The following RAF1 variants were observed in gnomAD, a reference collection of about 807,000 sequenced individuals.
The protein encoded by RAF1 is RAF proto-oncogene serine/threonine-protein kinase.
Under a neutral mutation model 81.1 loss-of-function variants are expected in RAF1, and 27 were observed. The ratio of observed to expected loss-of-function variants is 0.33; its 90% CI spans 0.25 to 0.46. The LOEUF is 0.46. Among genes scored for constraint, RAF1 ranks in the 20% least tolerant of loss-of-function variants. The pLI, the probability that RAF1 is intolerant of heterozygous loss-of-function variation, is 1.00. For missense variants in RAF1, 598 were observed against 826.0 expected, an observed-to-expected ratio of 0.72 and a Z score of 3.38; for synonymous variants, 298 against 294.0, an observed-to-expected ratio of 1.01 and a Z score of -0.14.
At chr3:12,622,809 A>C (rs1391732075) in intron 1 of RAF1, among the ~76,000 whole-genome samples, 1 of 152,192 alleles carries the variant, frequency 6.6e-6, no homozygotes, top group Non-Finnish European at 1.5e-5. Context: ...TTAAATAGAA[A>C]AGACCTGTCA....
chr3:12,645,419 T>G (rs1356766635), intron 1 of RAF1, among the ~76,000 whole-genome samples: 2 of 152,146 alleles, frequency 1.3e-5, no homozygotes, highest in African/African-American at 4.8e-5. Flanking sequence ...AAAGGTTTAG[T>G]GACAATTTAA....
intron 1 of RAF1, among the ~76,000 whole-genome samples, chr3:12,636,832 T>A (rs1464525812): frequency 6.6e-6 from 1 of 151,326 alleles, no homozygotes; most frequent in African/African-American, 2.4e-5. Context: ...AAAGAAAAAA[T>A]ATTTGCTACA....
intron 3 of RAF1, among the ~76,000 whole-genome samples, chr3:12,610,366 T>G (rs1264811370): frequency 6.6e-6 from 1 of 152,322 alleles, no homozygotes; most frequent in East Asian, 1.9e-4. Flanking sequence ...CAAAGGACTA[T>G]TTTGCCCTTA....
Position 12,590,989 on chromosome 3 carries a change from G to A in RAF1, c.1254-15C>T. 1 of 1,598,068 alleles carries A rather than the reference G, an allele frequency of 6.3e-7. No individual in the cohort carries two copies. Among genetic ancestry groups the A allele is most frequent in the Admixed American group, 1.7e-5 (1 of 59,614 alleles). ...GCCGTGTTTTGCTGGGGAGGGGAGG[G>A]GAAGAGAGGAGAGGGAGGAGGAAAG... On this transcript the variant is annotated splice_polypyrimidine_tract_variant and intron_variant, in intron 12 of 17. Transcript: ENST00000442415.
At chr3:12,623,011 A>G (rs1324806628) in intron 1 of RAF1, among the ~76,000 whole-genome samples, 5 of 152,208 alleles carry the variant, frequency 3.3e-5, no homozygotes, top group Non-Finnish European at 7.3e-5. Flanking sequence ...TTTAAAAAAA[A>G]AATTTTAATT....
At chr3:12,657,001 GA>G (rs948327519) in intron 1 of RAF1, among the ~76,000 whole-genome samples, 17 of 147,404 alleles carry the variant, frequency 1.2e-4, no homozygotes, top group South Asian at 2.1e-4. Context: ...CCATCTCGGG[GA>G]AAAAAAAAAA....
intron 13 of RAF1, 150 bp from the exon 13 acceptor site, chr3:12,587,787 C>A: frequency 1.7e-5 from 10 of 582,344 alleles, no homozygotes; most frequent in Middle Eastern, 4.6e-4. Context: ...CAGCCTGGTT[C>A]ACATCACTGC....
In RAF1 at chr3:12,591,847, A is replaced by C. The variant is rs1225596624; in HGVS notation, c.1169-55T>G. 7 of 1,300,928 alleles carry C rather than the reference A, an allele frequency of 5.4e-6. No individual in the cohort carries two copies. In the Admixed American group the frequency reaches 1.0e-4, roughly 19 times the overall value. The allele number at this position is 1,300,928 out of a possible 1,614,324, so 80.6% of individuals were successfully genotyped here. On this transcript the variant is annotated intron_variant, in intron 11 of 17. Coordinates refer to ENST00000442415, the MANE Select transcript of RAF1 (RefSeq NM_001354689.3). ...CAGTTGAATGATCTCAGTCTTTCAA[A>C]TAACCTAGTTTTGAGGAAGATACAG...
rs1035111321 is a variant in RAF1, at chr3:12,605,906, A to G, written c.680+295T>C. Among the ~76,000 whole-genome samples, 6 of 152,346 alleles carry G rather than the reference A, an allele frequency of 3.9e-5. No individual in the cohort carries two copies. The South Asian group carries it at 1.2e-3, about 32-fold the overall frequency. ...TTTCCATTGAGGTTGAACTCAGTAC[A>G]TACTGAGGAAAGCAGAATCTCAAGC... On this transcript the variant is annotated intron_variant, in intron 6 of 17. Transcript: ENST00000442415.
intron 1 of RAF1, among the ~76,000 whole-genome samples, chr3:12,648,246 T>C (rs544550571): frequency 1.7e-4 from 26 of 148,794 alleles, no homozygotes; most frequent in African/African-American, 6.0e-4. Flanking sequence ...TAAAATATGG[T>C]TTAGGAATGA....
At chr3:12,594,023 C>T (rs2058608351) in intron 11 of RAF1, among the ~76,000 whole-genome samples, 1 of 151,952 alleles carries the variant, frequency 6.6e-6, no homozygotes, top group Non-Finnish European at 1.5e-5. Context: ...AGACTGGGCA[C>T]ATCAGAAATA....
Position 12,620,090 on chromosome 3 carries a change from T to A in RAF1, c.-26-1343A>T, listed in dbSNP as rs188786542. ...GAGCAAGACTCCATCTCAAAAAAAA[T>A]AATAATAATAAATTATCTCATTTAA... On this transcript the variant is annotated intron_variant, in intron 1 of 17. Coordinates refer to ENST00000442415, the MANE Select transcript of RAF1 (RefSeq NM_001354689.3). Among the ~76,000 whole-genome samples the A allele has an allele frequency of 4.4e-3, 672 of 151,264 alleles. 1 individual carries two copies. Among genetic ancestry groups the A allele is most frequent in the Non-Finnish European group, 5.3e-3 (361 of 67,994 alleles).
chr3:12,650,977 A>C (rs899205442), intron 1 of RAF1, among the ~76,000 whole-genome samples: 1 of 152,168 alleles, frequency 6.6e-6, no homozygotes, highest in Non-Finnish European at 1.5e-5. Flanking sequence ...ACAAAAGCTA[A>C]AGTGTGCCCA....
intron 1 of RAF1, among the ~76,000 whole-genome samples, chr3:12,646,423 G>A (rs1324940864): frequency 6.6e-6 from 1 of 152,062 alleles, no homozygotes; most frequent in East Asian, 1.9e-4. Flanking sequence ...CACCCACGCT[G>A]GAGTGCAGTG....
Position 12,585,108 on chromosome 3 carries a change from C to G in RAF1, c.1728+14G>C, listed in dbSNP as rs1057520886. 3.1e-6 allele frequency: 5 copies of G among 1,614,002 alleles called. No individual in the cohort carries two copies. Among genetic ancestry groups the G allele is most frequent in the Admixed American group, 1.7e-5 (1 of 59,988 alleles). The stretch of plus-strand genomic sequence containing the variant: ...TCCCACGAGTTGGGTCCTTTCGCAC[C>G]AGCACAGACTTACCTGATCTCGGTT... On this transcript the variant is annotated intron_variant, in intron 16 of 17. Coordinates refer to ENST00000442415, the MANE Select transcript of RAF1 (RefSeq NM_001354689.3).
At chr3:12,606,636 G>GT (rs1204650624) in intron 5 of RAF1, among the ~76,000 whole-genome samples, 1 of 151,880 alleles carries the variant, frequency 6.6e-6, no homozygotes, top group Non-Finnish European at 1.5e-5. Context: ...CACCTCCCGG[G>GT]TTCTCCTGCC....
chr3:12,620,510 G>A (rs1228146110), intron 1 of RAF1, among the ~76,000 whole-genome samples: 1 of 151,972 alleles, frequency 6.6e-6, no homozygotes, highest in Non-Finnish European at 1.5e-5. Flanking sequence ...TTGCTCTGTT[G>A]CCCAGGCTGG....
rs181133224 is a variant in RAF1 at position 12,660,251 on chromosome 3, T to C, written c.-27+3562A>G. On this transcript the variant is annotated intron_variant, in intron 1 of 17. Coordinates refer to ENST00000442415, the MANE Select transcript of RAF1 (RefSeq NM_001354689.3). The stretch of plus-strand genomic sequence containing the variant: ...CTTAATCTGCTTCTCACTGTTTTTT[T>C]CAGCTAAACCAAATCCCATAAAATA... Among the ~76,000 whole-genome samples, 252 of 152,268 alleles carry C rather than the reference T, an allele frequency of 1.7e-3. 2 individuals carry two copies. Among genetic ancestry groups the C allele is most frequent in the Non-Finnish European group, 5.3e-4 (36 of 68,030 alleles).
At position 12,584,876 on chromosome 3, in the gene RAF1, C is replaced by T. The variant is rs769971095; in HGVS notation, c.1834G>A (p.Val612Ile). Residue 612 changes from valine (V) to isoleucine (I), a missense_variant, in exon 17 of 18, where the codon GTA becomes ATA. Val to Ile is a conservative substitution (Grantham distance 29, BLOSUM62 3). Coordinates refer to ENST00000442415, the MANE Select transcript of RAF1 (RefSeq NM_001354689.3). ...GGAAAAAGAGGCCTCTCTTCCTTTA[C>T]TTTCTTCACACAGTCAGCTACCAGC... 6.2e-7 allele frequency: 1 copy of T among 1,614,170 alleles called. No individual in the cohort carries two copies. Among genetic ancestry groups the T allele is most frequent in the South Asian group, 1.1e-5 (1 of 91,088 alleles).
Sources: gnomAD v4.1 joint callset for allele counts (sites outside exome capture counted in the v4.1 genomes callset) on GRCh38, gnomAD v4.1.1 for gene constraint, MANE v1.5 for transcripts, NCBI Gene and HGNC (gene_info 2026-07-23, HGNC 2026-07-21) for gene names.